CSNK1G1: variants seen among roughly 807,000 people sequenced by gnomAD.
CSNK1G1 encodes the protein casein kinase 1 gamma 1, also known as casein kinase I isoform gamma-1.
In CSNK1G1, 22 loss-of-function variants were observed where a neutral mutation model predicts 59.6. The ratio of observed to expected loss-of-function variants is 0.37; its 90% confidence interval spans 0.26 to 0.53. The LOEUF (loss-of-function observed/expected upper bound fraction) is 0.53. Among genes scored for constraint, CSNK1G1 ranks in the 20% least tolerant of loss-of-function variants. The pLI is 0.89. For synonymous variants in CSNK1G1, 179 were observed against 177.1 expected, an observed-to-expected ratio of 1.01 and a Z score of -0.08; for missense variants, 384 against 519.5, an observed-to-expected ratio of 0.74 and a Z score of 2.54.
intron 1 of CSNK1G1, among the ~76,000 whole-genome samples, chr15:64,304,498 GTTTC>G (rs1466472115): frequency 2.0e-5 from 3 of 150,988 alleles, no homozygotes; most frequent in East Asian, 3.9e-4. Flanking sequence ...TTAAAATCCT[GTTTC>G]TTTATCACTC....
At chr15:64,276,782 A>G (rs1893642957) in intron 2 of CSNK1G1, among the ~76,000 whole-genome samples, 1 of 151,862 alleles carries the variant, frequency 6.6e-6, no homozygotes, top group Non-Finnish European at 1.5e-5. Context: ...TGTCTCTAAT[A>G]AAAAATACAA....
At chr15:64,215,017 T>C (rs766272479) in intron 5 of CSNK1G1, among the ~76,000 whole-genome samples, 7 of 150,174 alleles carry the variant, frequency 4.7e-5, no homozygotes, top group Non-Finnish European at 8.9e-5. Flanking sequence ...CCTACGCTGG[T>C]CTCAAACTCC....
At position 64,168,099 on chromosome 15, in the gene CSNK1G1, T is replaced by C. The variant is rs1424532162; in HGVS notation, c.*3832A>G. 6.6e-6 allele frequency: 1 copy of C among 152,600 alleles called. No individual in the cohort carries two copies. Among genetic ancestry groups the C allele is most frequent in the Non-Finnish European group, 1.5e-5 (1 of 68,046 alleles). The allele number at this position is 152,600 out of a possible 1,614,324, so 9.5% of individuals were successfully genotyped here. A position where few individuals can be genotyped will look rare whatever the true frequency, so the allele number is the denominator to read the frequency against. On this transcript the variant is annotated 3_prime_UTR_variant, in exon 12 of 12. Transcript: ENST00000303052. Reference sequence around the variant, plus strand: ...TGGCTGATGGACAGGGACTGTTTTCTAAGTACTTGGAGTTCATTTAGAAAA... The same window carrying C: ...TGGCTGATGGACAGGGACTGTTTTCCAAGTACTTGGAGTTCATTTAGAAAA...
chr15:64,247,352 G>C (rs1166088539), intron 4 of CSNK1G1, among the ~76,000 whole-genome samples: 1 of 152,076 alleles, frequency 6.6e-6, no homozygotes, highest in Non-Finnish European at 1.5e-5. Flanking sequence ...TTTACAATTT[G>C]GTTTCTATAA....
At chr15:64,180,094 G>A (rs1351955032) in intron 11 of CSNK1G1, 4 of 452,472 alleles carry the variant, frequency 8.8e-6, no homozygotes, top group South Asian at 7.3e-5. Flanking sequence ...CTGTAGCCCT[G>A]ATAACATGAT....
chr15:64,337,229 A>C (rs747398527), intron 1 of CSNK1G1, among the ~76,000 whole-genome samples: 4 of 152,202 alleles, frequency 2.6e-5, no homozygotes, highest in African/African-American at 4.8e-5. Flanking sequence ...CTCCGTCTCA[A>C]ACAAAACAAA....
chr15:64,265,723 A>C, intron 2 of CSNK1G1: 2 of 449,782 alleles, frequency 4.4e-6, no homozygotes, highest in Non-Finnish European at 4.4e-6. Flanking sequence ...TCTACAAGGG[A>C]AACTATAAAA....
chr15:64,288,258 T>C (rs2140379762), intron 2 of CSNK1G1, among the ~76,000 whole-genome samples: 1 of 152,084 alleles, frequency 6.6e-6, no homozygotes, highest in South Asian at 2.1e-4. Context: ...TCCACAGCCA[T>C]AAAGCTGTAA....
Position 64,170,736 on chromosome 15 carries a change from T to C in CSNK1G1, c.*1195A>G, listed in dbSNP as rs961407419. ...ACCAGGACGTCACATGGCTATCTAGTTGGAAGTCCCTGGCAGCATGGGAAA... is the reference window on the plus strand; with the variant it reads ...ACCAGGACGTCACATGGCTATCTAGCTGGAAGTCCCTGGCAGCATGGGAAA... On this transcript the variant is annotated 3_prime_UTR_variant, in exon 12 of 12. Transcript: ENST00000303052. The C allele has an allele frequency of 6.6e-6, 1 of 152,626 alleles. No homozygotes were observed. The highest frequency in any genetic ancestry group is 1.5e-5 in the Non-Finnish European group (1 of 68,046). 9.5% of individuals were successfully genotyped at this position (152,626 alleles called of 1,614,324 possible). A position where few individuals can be genotyped will look rare whatever the true frequency, so the allele number is the denominator to read the frequency against.
chr15:64,276,946 CAAAAAA>C (rs1304321213), intron 2 of CSNK1G1, among the ~76,000 whole-genome samples: 1 of 54,506 alleles, frequency 1.8e-5, no homozygotes, highest in Non-Finnish European at 3.7e-5. Context: ...GACTCCATCT[CAAAAAA>C]AAAAAAAAAA....
intron 2 of CSNK1G1, among the ~76,000 whole-genome samples, chr15:64,278,640 G>C (rs773264322): frequency 3.0e-4 from 46 of 152,088 alleles, no homozygotes; most frequent in Non-Finnish European, 6.0e-4. Flanking sequence ...TGTTGGCCAA[G>C]CTGGTGTCGA....
intron 1 of CSNK1G1, among the ~76,000 whole-genome samples, chr15:64,331,846 A>G (rs1897126384): frequency 6.7e-6 from 1 of 149,756 alleles, no homozygotes; most frequent in Non-Finnish European, 1.5e-5. Flanking sequence ...AAACAACCCC[A>G]TCAAAAAGTG....
intron 2 of CSNK1G1, among the ~76,000 whole-genome samples, chr15:64,272,776 T>G (rs1012050597): frequency 1.3e-5 from 2 of 152,132 alleles, no homozygotes; most frequent in African/African-American, 2.4e-5. Flanking sequence ...AATGGGGTCT[T>G]GCTCTGTCGC....
chr15:64,314,823 G>T (rs1435800531), intron 1 of CSNK1G1, among the ~76,000 whole-genome samples: 1 of 152,016 alleles, frequency 6.6e-6, no homozygotes, highest in Admixed American at 6.6e-5. Flanking sequence ...CTTCTTTAAG[G>T]CTGAATATGT....
rs187108200 is a variant in CSNK1G1 at position 64,354,774 on chromosome 15, A to T, written c.-225+1214T>A. On this transcript the variant is annotated intron_variant, in intron 1 of 11. Coordinates refer to ENST00000303052, the MANE Select transcript of CSNK1G1 (RefSeq NM_022048.5). ...ATAATACAGGTAAGAATTTTAACTC[A>T]TACTACTTATGAAGAAACAAAAGCT... Among the ~76,000 whole-genome samples, 452 of 152,340 alleles carry T rather than the reference A, an allele frequency of 3.0e-3. 1 individual carries two copies. The highest frequency in any genetic ancestry group is 5.3e-3 in the Non-Finnish European group (358 of 68,042).
At chr15:64,242,863 T>TATA (rs377131148) in intron 4 of CSNK1G1, among the ~76,000 whole-genome samples, 4 of 152,112 alleles carry the variant, frequency 2.6e-5, no homozygotes, top group African/African-American at 9.6e-5. Context: ...TCCAACAATG[T>TATA]ATAAAAAAGA....
intron 1 of CSNK1G1, among the ~76,000 whole-genome samples, chr15:64,305,772 CA>C (rs55865359): frequency 0.044 from 5,924 of 134,266 alleles, 133 homozygotes; most frequent in South Asian, 0.081. Flanking sequence ...TGTGATATTG[CA>C]AAAAAAAAAA....
chr15:64,347,962 C>T (rs1302590972), intron 1 of CSNK1G1, among the ~76,000 whole-genome samples: 5 of 151,046 alleles, frequency 3.3e-5, no homozygotes, highest in South Asian at 2.1e-4. Context: ...GCTGATATCC[C>T]GCCACTGCAC....
chr15:64,317,142 G>C (rs1220779792), intron 1 of CSNK1G1: 3 of 152,326 alleles, frequency 2.0e-5, no homozygotes, highest in Non-Finnish European at 4.4e-5. Context: ...ACGCTGGAGT[G>C]CAGTGGCATA....
Sources: allele counts gnomAD v4.1 joint callset (sites outside exome capture counted in the v4.1 genomes callset), GRCh38; gene constraint gnomAD v4.1.1; transcripts MANE v1.5; gene names NCBI Gene and HGNC (gene_info 2026-07-23, HGNC 2026-07-21).